Variants in CSMD2 observed in about 807,000 individuals in gnomAD.
The protein encoded by CSMD2 is CUB and Sushi multiple domains 2, also known as CUB and sushi domain-containing protein 2.
Under a neutral mutation model 398.5 loss-of-function variants are expected in CSMD2, and 130 were observed. That is an observed-to-expected ratio of 0.33 (90% CI 0.28 to 0.38). The LOEUF (loss-of-function observed/expected upper bound fraction) is 0.38. Ranked by LOEUF, CSMD2 falls within the 10% of genes least tolerant of loss-of-function variation. The pLI, the probability that CSMD2 is intolerant of heterozygous loss-of-function variation, is 1.00. For missense variants in CSMD2, 3,829 were observed against 4,764.9 expected (o/e 0.80, Z 5.78); for synonymous variants, 1,828 against 1,908.5 (o/e 0.96, Z 1.10).
intron 3 of CSMD2, among the ~76,000 whole-genome samples, chr1:33,938,208 C>A (rs375499240): frequency 2.6e-5 from 4 of 152,232 alleles, no homozygotes; most frequent in African/African-American, 7.2e-5. Flanking sequence ...CCTCTATTGC[C>A]CTGTCCATTG....
At chr1:34,057,058 T>C (rs1653912482) in intron 2 of CSMD2, among the ~76,000 whole-genome samples, 1 of 152,186 alleles carries the variant, frequency 6.6e-6, no homozygotes, top group Non-Finnish European at 1.5e-5. Flanking sequence ...GAACTATGGA[T>C]GTGGCATCTA....
At chr1:33,981,759 C>T (rs1482585518) in intron 3 of CSMD2, among the ~76,000 whole-genome samples, 1 of 152,208 alleles carries the variant, frequency 6.6e-6, no homozygotes, top group East Asian at 1.9e-4. Context: ...GGCATTTGGG[C>T]TGGACAGGCC....
intron 44 of CSMD2, among the ~76,000 whole-genome samples, chr1:33,589,662 C>T (rs1639300563): frequency 1.3e-5 from 2 of 152,150 alleles, no homozygotes; most frequent in Admixed American, 6.5e-5. Context: ...CGTGACAAAA[C>T]AGTGCCTCTG....
In CSMD2 at chr1:33,533,810, G is replaced by T; in HGVS notation, c.9977C>A (p.Pro3326Gln). Reference sequence around the variant, plus strand: ...TCTGCACTCACGGACACAGTCAGGTGGGGTTCCACTCCAGGTCAGGTTTGG... The same window carrying T: ...TCTGCACTCACGGACACAGTCAGGTTGGGTTCCACTCCAGGTCAGGTTTGG... Reference protein sequence around the residue: ...CLPNLTWSGTPPDCVPHHCRQ... With the variant: ...CLPNLTWSGTQPDCVPHHCRQ... Residue 3326 changes from proline to glutamine, a missense_variant, in exon 63 of 71, where the codon CCA (proline) becomes CAA (glutamine). Around this residue, in one of 5 missense-constraint regions of CSMD2, gnomAD observed 917 missense variants for 1,199.5 expected, o/e 0.76. Coordinates refer to ENST00000373381, the MANE Select transcript of CSMD2 (RefSeq NM_001281956.2). This position sits in a 1 kb window ranked among gnomAD's most constrained non-coding sequence, Gnocchi z 4.2. The T allele has an allele frequency of 1.2e-6, 2 of 1,612,040 alleles. No homozygotes were observed. The highest frequency in any genetic ancestry group is 1.7e-6 in the Non-Finnish European group (2 of 1,178,114).
At chr1:33,838,494 T>C (rs6425848) in intron 6 of CSMD2, 119,623 of 152,202 alleles carry the variant, frequency 0.79, 47,860 homozygotes, top group East Asian at 0.94. Flanking sequence ...AGGGCTGCCT[T>C]GCCATTTAGC....
chr1:33,687,189 T>C (rs2149083256), intron 25 of CSMD2, among the ~76,000 whole-genome samples: 1 of 152,246 alleles, frequency 6.6e-6, no homozygotes, highest in South Asian at 2.1e-4. Flanking sequence ...TCATGGGACA[T>C]AAAGAATCCA....
At chr1:33,754,837 C>T (rs1471534764) in intron 13 of CSMD2, among the ~76,000 whole-genome samples, 5 of 151,798 alleles carry the variant, frequency 3.3e-5, no homozygotes, top group African/African-American at 9.7e-5. Context: ...AGAGGAAGGG[C>T]GAGGATGGGT....
intron 53 of CSMD2, among the ~76,000 whole-genome samples, chr1:33,565,124 A>G (rs1421491709): frequency 1.3e-5 from 2 of 152,232 alleles, no homozygotes; most frequent in African/African-American, 4.8e-5. Flanking sequence ...TTTTGTGGAG[A>G]GCAAGACTGT....
In CSMD2 at chr1:34,165,211, T is replaced by A. The variant is rs76362981; in HGVS notation, c.-114A>T. 4.4e-3 allele frequency: 5,155 copies of A among 1,165,398 alleles called. 189 individuals carry two copies. In the African/African-American group the frequency reaches 0.076, roughly 17 times the overall value. The allele number at this position is 1,165,398 out of a possible 1,614,324, so 72.2% of individuals were successfully genotyped here. A position where few individuals can be genotyped will look rare whatever the true frequency, so the allele number is the denominator to read the frequency against. ...AAAAAATCCCGGTACGCGGGAGCCC[T>A]GAGCTTCTGCGGCTGGAATGAACCA... is the stretch of plus-strand genomic sequence containing the variant. On this transcript the variant is annotated 5_prime_UTR_variant, in exon 1 of 71. Transcript: ENST00000373381.
At chr1:33,992,832 G>A (rs999804959) in intron 3 of CSMD2, among the ~76,000 whole-genome samples, 1 of 148,982 alleles carries the variant, frequency 6.7e-6, no homozygotes. Flanking sequence ...AGCCGTGATC[G>A]TGCCACTGCA....
At chr1:33,764,223 C>T (rs1650195915) in intron 13 of CSMD2, among the ~76,000 whole-genome samples, 1 of 152,194 alleles carries the variant, frequency 6.6e-6, no homozygotes, top group Non-Finnish European at 1.5e-5. Context: ...TCCTTTGTGA[C>T]CCATTCCTTC....
rs1224900435 is a variant in CSMD2, at chr1:33,819,869, C to T, written c.1200-32G>A. ...GACAAAGTGTGTCTGTGAGCTCCAT[C>T]CCTGGGCCTGCCAAGCCCCGCCCCA... On this transcript the variant is annotated intron_variant, in intron 8 of 70. Coordinates refer to ENST00000373381, the MANE Select transcript of CSMD2 (RefSeq NM_001281956.2). 9 of 1,611,946 alleles carry T rather than the reference C, an allele frequency of 5.6e-6. No individual in the cohort carries two copies. In the African/African-American group the frequency reaches 1.1e-4, roughly 19 times the overall value.
chr1:33,540,747 C>A (rs1656250592), intron 59 of CSMD2, 49 bp from the exon 60 acceptor site: 5 of 1,599,132 alleles, frequency 3.1e-6, no homozygotes, highest in African/African-American at 1.3e-5. Flanking sequence ...CCTGGGAAAC[C>A]AGCCCCCGTC....
chr1:33,572,622 G>T lies in CSMD2; in HGVS notation c.7646C>A (p.Thr2549Asn), dbSNP rs1175420638. 1 of 1,614,052 alleles carries T rather than the reference G, an allele frequency of 6.2e-7. No homozygotes were observed. The highest frequency in any genetic ancestry group is 1.7e-5 in the Admixed American group (1 of 60,018). The change falls in exon 50 of 71, where the codon ACC (threonine) becomes AAC (asparagine). Residue 2549 changes from threonine (T) to asparagine (N), a missense_variant. Physicochemically the swap from Thr to Asn is moderately conservative, Grantham distance 65. Around this residue, in one of 5 missense-constraint regions of CSMD2, gnomAD observed 723 missense variants for 758.6 expected, o/e 0.95. Coordinates refer to ENST00000373381, the MANE Select transcript of CSMD2 (RefSeq NM_001281956.2). ...TTCACTGCAGCTGTACATGGCCTTG[G>T]TTCCCACTGTGTACTCCTTGCCAAA... ...MVFGKEYTVG[T>N]KAMYSCSEGY...
intron 15 of CSMD2, among the ~76,000 whole-genome samples, chr1:33,734,030 C>T (rs749405106): frequency 1.8e-4 from 27 of 152,198 alleles, no homozygotes; most frequent in Non-Finnish European, 3.2e-4. Flanking sequence ...ATCTTTCTTG[C>T]AAGAGTGGCA....
At chr1:33,919,692 G>A (rs1049341284) in intron 4 of CSMD2, among the ~76,000 whole-genome samples, 1 of 152,212 alleles carries the variant, frequency 6.6e-6, no homozygotes, top group African/African-American at 2.4e-5. Flanking sequence ...ATGCTTCTGA[G>A]GGAGGAGGTG....
intron 9 of CSMD2, among the ~76,000 whole-genome samples, chr1:33,819,162 G>T (rs1032378457): frequency 6.6e-6 from 1 of 152,188 alleles, no homozygotes; most frequent in Non-Finnish European, 1.5e-5. Flanking sequence ...GTAGGGGCTA[G>T]GCCAGCCCAG....
chr1:34,123,061 T>C lies in CSMD2; in HGVS notation c.188-33868A>G, dbSNP rs955538738. ...CTATTTTTGTCTGTAGTTCCTGTAG[T>C]TCCTAACTCCTAAAATCCTTGGGAT... is the stretch of plus-strand genomic sequence containing the variant. On this transcript the variant is annotated intron_variant, in intron 1 of 70. Coordinates refer to ENST00000373381, the MANE Select transcript of CSMD2 (RefSeq NM_001281956.2). 5.3e-5 allele frequency among the ~76,000 whole-genome samples: 8 copies of C among 152,182 alleles called. No homozygotes were observed. The East Asian group carries it at 1.3e-3, about 26-fold the overall frequency.
chr1:33,533,750 G>T lies in CSMD2; in HGVS notation c.9991+46C>A. 12 of 1,287,260 alleles carry T rather than the reference G, an allele frequency of 9.3e-6. No individual in the cohort carries two copies. The highest frequency in any genetic ancestry group is 1.1e-5 in the Non-Finnish European group (10 of 883,770). The allele number at this position is 1,287,260 out of a possible 1,614,324, so 79.7% of individuals were successfully genotyped here. On this transcript the variant is annotated intron_variant, in intron 63 of 70. Coordinates refer to ENST00000373381, the MANE Select transcript of CSMD2 (RefSeq NM_001281956.2). This position sits in a 1 kb window ranked among gnomAD's most constrained non-coding sequence, Gnocchi z 4.2. Reference sequence around the variant, plus strand: ...TCAAACATGACCCAGATGCCCAGCTGGGGCAAGAGGAATTTTCTTGGGATG... The same window carrying T: ...TCAAACATGACCCAGATGCCCAGCTTGGGCAAGAGGAATTTTCTTGGGATG...
Sources: gnomAD v4.1 joint callset for allele counts (sites outside exome capture counted in the v4.1 genomes callset) on GRCh38, gnomAD v4.1.1 for gene constraint, gnomAD v4.1.1 regional missense constraint, Gnocchi (gnomAD v3.1) non-coding constraint, MANE v1.5 for transcripts, NCBI Gene and HGNC (gene_info 2026-07-23, HGNC 2026-07-21) for gene names.